PIWIL1: variants seen among roughly 807,000 people sequenced by gnomAD.
PIWIL1 encodes piwi like RNA-mediated gene silencing 1, also known as piwi-like protein 1.
In PIWIL1, 73 loss-of-function variants were observed where a neutral mutation model predicts 114.4. The ratio of observed to expected loss-of-function variants is 0.64; its 90% CI spans 0.53 to 0.78. The LOEUF (loss-of-function observed/expected upper bound fraction) is 0.78, where lower values mean the gene tolerates loss of function less well. Among genes scored for constraint, PIWIL1 ranks in the 30% least tolerant of loss-of-function variants. The pLI is 0.00. For missense variants in PIWIL1, 723 were observed against 1,063.1 expected, an observed-to-expected ratio of 0.68 and a Z score of 4.45; for synonymous variants, 375 against 369.0, an observed-to-expected ratio of 1.02 and a Z score of -0.19.
chr12:130,348,297 A>C (rs1270615037), intron 7 of PIWIL1, 114 bp downstream of exon 7: 2 of 589,480 alleles, frequency 3.4e-6, no homozygotes, highest in Non-Finnish European at 6.0e-6. Flanking sequence ...GCCGCCCATC[A>C]CATTATGTGA....
the PIWIL1 span, among the ~76,000 whole-genome samples, chr12:130,392,484 C>G: frequency 2.9e-4 from 15 of 51,244 alleles, no homozygotes; most frequent in South Asian, 6.2e-4. Context: ...ATGACCCGGT[C>G]ACCGTCATCA....
the PIWIL1 span, chr12:130,412,519 A>AT: frequency 9.2e-7 from 1 of 1,090,826 alleles, no homozygotes; most frequent in East Asian, 2.4e-5. Flanking sequence ...TATTTAAATG[A>AT]TGCAATTTGG....
At chr12:130,402,418 C>T in the PIWIL1 span, among the ~76,000 whole-genome samples, 1 of 152,122 alleles carries the variant, frequency 6.6e-6, no homozygotes, top group South Asian at 2.1e-4. Context: ...TTGAGTCTGC[C>T]TTCCCCTGGT....
chr12:130,351,597 A>G (rs2073212536), intron 9 of PIWIL1: 1 of 152,164 alleles, frequency 6.6e-6, no homozygotes, highest in African/African-American at 2.4e-5. Flanking sequence ...GACAGAGGCA[A>G]GAGATTTTAT....
At chr12:130,390,541 C>CTG in the PIWIL1 span, among the ~76,000 whole-genome samples, 2 of 152,004 alleles carry the variant, frequency 1.3e-5, no homozygotes, top group African/African-American at 2.4e-5. Context: ...ATTCAGCCAC[C>CTG]TGTGTGTGTG....
At chr12:130,341,245 A>G (rs1388694605) in intron 1 of PIWIL1, among the ~76,000 whole-genome samples, 1 of 152,094 alleles carries the variant, frequency 6.6e-6, no homozygotes, top group African/African-American at 2.4e-5. Context: ...TTCCAGTCCC[A>G]CTGGACGTCT....
intron 6 of PIWIL1, 43 bp from the exon 7 acceptor site, chr12:130,348,060 G>C: frequency 7.8e-7 from 1 of 1,284,540 alleles, no homozygotes. Context: ...TGTCGTATTA[G>C]AGATACTTAT....
In PIWIL1 at chr12:130,363,144, A is replaced by G. The variant is rs1432785967; in HGVS notation, c.2195A>G (p.Asn732Ser). Residue 732 changes from asparagine (N) to serine (S), a missense_variant and splice_region_variant, in exon 18 of 21, where the codon AAC (asparagine) becomes AGC (serine). Physicochemically the swap from Asn to Ser is conservative, Grantham distance 46. Coordinates refer to ENST00000245255, the MANE Select transcript of PIWIL1 (RefSeq NM_004764.5). ...DCLKSIGRGY[N>S]PRLTVIVVKK... ...CTAAAATCCATTGGTAGAGGTTACA[A>G]GTAAGCATGCAAATTGTAAAGCATT... The G allele has an allele frequency of 6.2e-7, 1 of 1,612,984 alleles. No homozygotes were observed. The highest frequency in any genetic ancestry group is 1.3e-5 in the African/African-American group (1 of 74,914).
chr12:130,347,467 T>A (rs1019258400), intron 6 of PIWIL1, among the ~76,000 whole-genome samples: 1 of 152,150 alleles, frequency 6.6e-6, no homozygotes, highest in African/African-American at 2.4e-5. Context: ...ATATTTCCTA[T>A]CCAAAAGCAA....
the PIWIL1 span, among the ~76,000 whole-genome samples, chr12:130,385,273 G>C: frequency 6.6e-6 from 1 of 152,306 alleles, no homozygotes; most frequent in African/African-American, 2.4e-5. Context: ...GGAATTTAAA[G>C]TGTTTTGTGT....
the PIWIL1 span, among the ~76,000 whole-genome samples, chr12:130,416,445 A>C: frequency 6.6e-6 from 1 of 152,302 alleles, no homozygotes; most frequent in African/African-American, 2.4e-5. Flanking sequence ...CTGATATTTG[A>C]CAAAGCTGAG....
chr12:130,382,030 G>A, the PIWIL1 span, among the ~76,000 whole-genome samples: 1 of 152,228 alleles, frequency 6.6e-6, no homozygotes, highest in Middle Eastern at 3.4e-3. Context: ...AGAGTTCTTT[G>A]CATATTTTAG....
chr12:130,345,661 C>CAA (rs2073049960), intron 3 of PIWIL1, 92 bp from the exon 4 acceptor site: 1 of 1,373,202 alleles, frequency 7.3e-7, no homozygotes, highest in East Asian at 2.3e-5. Context: ...CCTCAGTATC[C>CAA]TTTGGATTAC....
chr12:130,384,748 C>T, the PIWIL1 span, among the ~76,000 whole-genome samples: 1 of 152,160 alleles, frequency 6.6e-6, no homozygotes, highest in Non-Finnish European at 1.5e-5. Flanking sequence ...AGAAAACCAA[C>T]AGAGTCTTGT....
chr12:130,344,791 T>A (rs10848086), intron 3 of PIWIL1, among the ~76,000 whole-genome samples: 26,108 of 152,218 alleles, frequency 0.17, 2,431 homozygotes, highest in South Asian at 0.22. Flanking sequence ...AAAAGTCACA[T>A]GTCAGCTATT....
chr12:130,422,925 C>T, the PIWIL1 span, among the ~76,000 whole-genome samples: 1 of 152,184 alleles, frequency 6.6e-6, no homozygotes, highest in African/African-American at 2.4e-5. The surrounding 1 kb of genome is among the most constrained non-coding windows in gnomAD (Gnocchi z 5.2). Flanking sequence ...TCTTAGTCTC[C>T]ACATGCCCCC....
At chr12:130,344,847 G>A (rs558065645) in intron 3 of PIWIL1, among the ~76,000 whole-genome samples, 16 of 152,278 alleles carry the variant, frequency 1.1e-4, no homozygotes, top group African/African-American at 3.9e-4. Context: ...TGCAATTTCT[G>A]CTTAAGTATC....
At chr12:130,372,810 A>G (rs566251096), downstream of PIWIL1, among the ~76,000 whole-genome samples, 19 of 152,266 alleles carry the variant, frequency 1.2e-4, no homozygotes, top group African/African-American at 4.1e-4. Context: ...TTATATCTAC[A>G]TATTTATAGG....
chr12:130,354,477 C>A, intron 9 of PIWIL1, 60 bp from the exon 10 acceptor site: 1 of 1,601,838 alleles, frequency 6.2e-7, no homozygotes, highest in Non-Finnish European at 8.5e-7. Context: ...CCCTTTTTGC[C>A]CACTGAGATG....
Sources: allele counts gnomAD v4.1 joint callset (sites outside exome capture counted in the v4.1 genomes callset), GRCh38; gene constraint gnomAD v4.1.1; non-coding constraint Gnocchi (gnomAD v3.1); transcripts MANE v1.5; gene names NCBI Gene and HGNC (gene_info 2026-07-23, HGNC 2026-07-21).